The following NKAIN3 variants were observed in gnomAD, a reference collection of about 807,000 sequenced individuals.
The protein encoded by NKAIN3 is sodium/potassium-transporting ATPase subunit beta-1-interacting protein 3.
Under a neutral mutation model 30.2 loss-of-function variants are expected in NKAIN3, and 25 were observed. That is an observed-to-expected ratio of 0.83 (90% CI 0.60 to 1.16). The LOEUF (loss-of-function observed/expected upper bound fraction) is 1.16, where lower values mean the gene tolerates loss of function less well. Ranked by LOEUF, NKAIN3 falls within the 50% of genes most tolerant of loss-of-function variation. NKAIN3 has a pLI of 0.00. For synonymous variants in NKAIN3, 91 were observed against 89.6 expected, an observed-to-expected ratio of 1.02 and a Z score of -0.09; for missense variants, 225 against 254.1, an observed-to-expected ratio of 0.89 and a Z score of 0.78.
intron 3 of NKAIN3, among the ~76,000 whole-genome samples, chr8:62,661,435 T>C (rs73264857): frequency 6.6e-6 from 1 of 152,346 alleles, no homozygotes; most frequent in African/African-American, 2.4e-5. Flanking sequence ...TTTTTTAATT[T>C]TCTCTAGCTG....
At position 62,293,128 on chromosome 8, in the gene NKAIN3, C is replaced by T. The variant is rs181707328; in HGVS notation, c.54+44001C>T. Among the ~76,000 whole-genome samples, 19 of 152,172 alleles carry T rather than the reference C, an allele frequency of 1.2e-4. No individual in the cohort carries two copies. The East Asian group carries it at 3.5e-3, about 28-fold the overall frequency. ...ACACTGTTTATTCTAGTTAGCTATT[C>T]GTCTAATCTTTTTTCAAGGTTTTTA... On this transcript the variant is annotated intron_variant, in intron 1 of 6. Transcript: ENST00000623646.
At position 62,875,743 on chromosome 8, in the gene NKAIN3, A is replaced by G. The variant is rs529548568; in HGVS notation, c.472-42710A>G. 7.2e-5 allele frequency among the ~76,000 whole-genome samples: 11 copies of G among 152,364 alleles called. No homozygotes were observed. The East Asian group carries it at 1.2e-3, about 16-fold the overall frequency. ...ATGGGGAAAGGATCTCCTCCTATTC[A>G]GGAAATGGTGCTTGGAAAACAGGCT... is the stretch of plus-strand genomic sequence containing the variant. On this transcript the variant is annotated intron_variant, in intron 4 of 6. Coordinates refer to ENST00000623646, the MANE Select transcript of NKAIN3 (RefSeq NM_001304533.3).
intron 1 of NKAIN3, among the ~76,000 whole-genome samples, chr8:62,252,019 T>C (rs2129386252): frequency 6.6e-6 from 1 of 152,324 alleles, no homozygotes; most frequent in East Asian, 1.9e-4. Context: ...GCTCACAAAA[T>C]TCCTAAAAAT....
intron 4 of NKAIN3, among the ~76,000 whole-genome samples, chr8:62,776,299 G>A (rs185421802): frequency 6.6e-6 from 1 of 151,992 alleles, no homozygotes; most frequent in African/African-American, 2.4e-5. Context: ...GGATAAGTAA[G>A]GACTTTCTTC....
rs376296252 is a variant in NKAIN3 at position 62,652,643 on chromosome 8, G to A, written c.273+62849G>A. ...ACTGGGAATAGTCTGATATATACCA[G>A]CTTGCTGGTTGCTGGTCTGGATCAC... On this transcript the variant is annotated intron_variant, in intron 3 of 6. Transcript: ENST00000623646. Among the ~76,000 whole-genome samples the A allele has an allele frequency of 9.9e-5, 15 of 152,266 alleles. No individual in the cohort carries two copies. The East Asian group carries it at 2.7e-3, about 27-fold the overall frequency.
chr8:62,826,854 C>G (rs1208451395), intron 4 of NKAIN3, among the ~76,000 whole-genome samples: 8 of 152,290 alleles, frequency 5.3e-5, no homozygotes, highest in Admixed American at 3.3e-4. Context: ...TTGTAATGAA[C>G]TATAGTCATT....
At chr8:62,845,306 T>TATATATATATATATATAG (rs1460672420) in intron 4 of NKAIN3, among the ~76,000 whole-genome samples, 1 of 140,808 alleles carries the variant, frequency 7.1e-6, no homozygotes, top group African/African-American at 2.6e-5. Context: ...TATATATATA[T>TATATATATATATATATAG]ATATATAGTA....
At chr8:62,931,519 C>T (rs1389719061) in intron 5 of NKAIN3, among the ~76,000 whole-genome samples, 1 of 152,164 alleles carries the variant, frequency 6.6e-6, no homozygotes, top group Non-Finnish European at 1.5e-5. Context: ...TAGTTAATTT[C>T]ATGTGTTAGA....
At chr8:62,727,679 G>A (rs1019773605) in intron 3 of NKAIN3, among the ~76,000 whole-genome samples, 6 of 152,078 alleles carry the variant, frequency 3.9e-5, no homozygotes, top group African/African-American at 1.2e-4. Flanking sequence ...ACAAAATTCT[G>A]ATGAAAGAAA....
Position 62,513,209 on chromosome 8 carries a change from A to T in NKAIN3, c.55-66330A>T, listed in dbSNP as rs186380085. Among the ~76,000 whole-genome samples the T allele has an allele frequency of 1.6e-4, 25 of 151,998 alleles. 1 individual carries two copies. The highest frequency in any genetic ancestry group is 5.8e-4 in the African/African-American group (24 of 41,472). The stretch of plus-strand genomic sequence containing the variant: ...GTTCTGTTTAGCCTCATGTAAGGAA[A>T]TAGTGTAATGCATTGTGATAAATAG... On this transcript the variant is annotated intron_variant, in intron 1 of 6. Transcript: ENST00000623646.
intron 4 of NKAIN3, among the ~76,000 whole-genome samples, chr8:62,852,569 C>T (rs1819942083): frequency 6.6e-6 from 1 of 151,940 alleles, no homozygotes; most frequent in Non-Finnish European, 1.5e-5. Flanking sequence ...TAGATCTTTC[C>T]TGCTTTCTCT....
chr8:62,790,415 C>A (rs1360044404), intron 4 of NKAIN3, among the ~76,000 whole-genome samples: 1 of 151,980 alleles, frequency 6.6e-6, no homozygotes, highest in African/African-American at 2.4e-5. Flanking sequence ...ACAGGGATGC[C>A]CTCTCTTATC....
At chr8:62,597,688 C>T (rs1341985003) in intron 3 of NKAIN3, among the ~76,000 whole-genome samples, 1 of 151,880 alleles carries the variant, frequency 6.6e-6, no homozygotes, top group African/African-American at 2.4e-5. Context: ...TCTATAAGAT[C>T]TATTTCTAGA....
At chr8:62,565,977 T>C (rs1351355163) in intron 1 of NKAIN3, among the ~76,000 whole-genome samples, 2 of 152,146 alleles carry the variant, frequency 1.3e-5, no homozygotes, top group East Asian at 1.9e-4. Flanking sequence ...AAGTACACTT[T>C]CTATGAATGC....
At chr8:62,852,159 C>G (rs1174874261) in intron 4 of NKAIN3, among the ~76,000 whole-genome samples, 1 of 152,280 alleles carries the variant, frequency 6.6e-6, no homozygotes, top group East Asian at 1.9e-4. Flanking sequence ...TTCGGAGATT[C>G]ATCTTTTTCC....
chr8:62,291,326 T>C (rs1290549806), intron 1 of NKAIN3, among the ~76,000 whole-genome samples: 1 of 152,218 alleles, frequency 6.6e-6, no homozygotes, highest in African/African-American at 2.4e-5. Context: ...TCAATTGTGA[T>C]GTTAGGGTGT....
intron 4 of NKAIN3, among the ~76,000 whole-genome samples, chr8:62,796,870 A>T (rs1359269707): frequency 6.6e-6 from 1 of 151,866 alleles, no homozygotes; most frequent in African/African-American, 2.4e-5. Context: ...ACCATTCTGA[A>T]ATCTGTCCAT....
At position 62,329,539 on chromosome 8, in the gene NKAIN3, C is replaced by A. The variant is rs573622792; in HGVS notation, c.54+80412C>A. Among the ~76,000 whole-genome samples, 141 of 152,176 alleles carry A rather than the reference C, an allele frequency of 9.3e-4. 1 individual carries two copies. The South Asian group carries it at 0.014, about 15-fold the overall frequency. On this transcript the variant is annotated intron_variant, in intron 1 of 6. Transcript: ENST00000623646. Reference sequence around the variant, plus strand: ...CCAGTGTTTATCATTCCCATCTTTGCAATCATGTGTATTCAATGTTTAGTT... The same window carrying A: ...CCAGTGTTTATCATTCCCATCTTTGAAATCATGTGTATTCAATGTTTAGTT...
At chr8:62,436,343 T>C (rs971637777) in intron 1 of NKAIN3, among the ~76,000 whole-genome samples, 1 of 152,198 alleles carries the variant, frequency 6.6e-6, no homozygotes, top group African/African-American at 2.4e-5. Flanking sequence ...TGTGTGTGGC[T>C]GAAATCAGGG....
Sources: allele counts gnomAD v4.1 joint callset (sites outside exome capture counted in the v4.1 genomes callset), GRCh38; gene constraint gnomAD v4.1.1; transcripts MANE v1.5; gene names NCBI Gene and HGNC (gene_info 2026-07-23, HGNC 2026-07-21).